PAK2: variants seen among roughly 807,000 people sequenced by gnomAD.
PAK2 encodes the protein p21 (RAC1) activated kinase 2.
Under a neutral mutation model 65.9 loss-of-function variants are expected in PAK2, and 21 were observed. The observed-to-expected ratio is 0.32, with a 90% CI of 0.23 to 0.46. The LOEUF (loss-of-function observed/expected upper bound fraction) is 0.46. PAK2 is among the 20% of genes least tolerant of loss of function. PAK2 has a pLI of 1.00. For missense variants in PAK2, 324 were observed against 642.6 expected, an observed-to-expected ratio of 0.50 and a Z score of 5.36; for synonymous variants, 204 against 219.7, an observed-to-expected ratio of 0.93 and a Z score of 0.63.
intron 1 of PAK2, among the ~76,000 whole-genome samples, chr3:196,761,162 T>TA (rs1553801125): frequency 2.5e-3 from 347 of 140,292 alleles, no homozygotes; most frequent in African/African-American, 6.8e-3. Context: ...TTTTTTTTTT[T>TA]AATTTATTTT....
chr3:196,778,080 C>T (rs544372105), intron 1 of PAK2, among the ~76,000 whole-genome samples: 2 of 152,184 alleles, frequency 1.3e-5, no homozygotes, highest in African/African-American at 2.4e-5. Context: ...ACTAATCAGC[C>T]GTGTTTATGA....
At chr3:196,811,245 TCCCTCCCC>T (rs1560113671) in intron 8 of PAK2, among the ~76,000 whole-genome samples, 236 of 20,278 alleles carry the variant, frequency 0.012, 5 homozygotes, top group Non-Finnish European at 0.019. Flanking sequence ...CTTCCTTCCC[TCCCTCCCC>T]TCCCTCCCTT....
intron 2 of PAK2, among the ~76,000 whole-genome samples, chr3:196,797,085 C>T (rs1274259884): frequency 6.6e-6 from 1 of 152,100 alleles, no homozygotes; most frequent in African/African-American, 2.4e-5. Context: ...CCAACTTGAC[C>T]TAATAGACGT....
chr3:196,773,448 A>C (rs1714423287), intron 1 of PAK2, among the ~76,000 whole-genome samples: 1 of 152,186 alleles, frequency 6.6e-6, no homozygotes, highest in African/African-American at 2.4e-5. Flanking sequence ...AGCAATTCAC[A>C]CACAAAAAAT....
chr3:196,824,423 G>A (rs1019319097), intron 13 of PAK2, among the ~76,000 whole-genome samples: 2 of 152,118 alleles, frequency 1.3e-5, no homozygotes, highest in African/African-American at 4.8e-5. Flanking sequence ...CAACTGGAAC[G>A]GACAGAAGTT....
chr3:196,751,741 CT>C (rs200558658), intron 1 of PAK2, among the ~76,000 whole-genome samples: 3,564 of 79,174 alleles, frequency 0.045, 61 homozygotes, highest in African/African-American at 0.072. Flanking sequence ...AAATGAATTT[CT>C]TTTTTTTTTT....
In PAK2 at chr3:196,740,023, G is replaced by A. The variant is rs997718540; in HGVS notation, c.-156G>A. 2 of 151,800 alleles carry A rather than the reference G, an allele frequency of 1.3e-5. No homozygotes were observed. The highest frequency in any genetic ancestry group is 4.8e-5 in the African/African-American group (2 of 41,356). 9.4% of individuals were successfully genotyped at this position (151,800 alleles called of 1,614,324 possible). Reference sequence around the variant, plus strand: ...CGGTAGCAGCGGCTGCTCCAGCGCGGCGTCTCTTCCCGCCCCGCTTCCCCT... The same window carrying A: ...CGGTAGCAGCGGCTGCTCCAGCGCGACGTCTCTTCCCGCCCCGCTTCCCCT... On this transcript the variant is annotated 5_prime_UTR_variant, in exon 1 of 15. Coordinates refer to ENST00000327134, the MANE Select transcript of PAK2 (RefSeq NM_002577.4).
At chr3:196,749,555 A>G (rs761027350) in intron 1 of PAK2, among the ~76,000 whole-genome samples, 1 of 152,192 alleles carries the variant, frequency 6.6e-6, no homozygotes, top group Non-Finnish European at 1.5e-5. Context: ...AAAAATGTCT[A>G]TTCAAGTGCT....
At chr3:196,771,206 A>G (rs984695543) in intron 1 of PAK2, among the ~76,000 whole-genome samples, 1 of 152,096 alleles carries the variant, frequency 6.6e-6, no homozygotes, top group Non-Finnish European at 1.5e-5. Flanking sequence ...TCTTGTCTCA[A>G]CACACTGATG....
intron 2 of PAK2, among the ~76,000 whole-genome samples, chr3:196,799,344 C>G (rs889918634): frequency 2.6e-5 from 4 of 152,166 alleles, no homozygotes; most frequent in Non-Finnish European, 2.9e-5. Flanking sequence ...ACAGTGTGCG[C>G]TCTGCACTGA....
At chr3:196,766,904 A>G (rs1365835594) in intron 1 of PAK2, among the ~76,000 whole-genome samples, 1 of 132,314 alleles carries the variant, frequency 7.6e-6, no homozygotes, top group Non-Finnish European at 1.6e-5. Context: ...TCTTCCATTT[A>G]AAAAAAAAAT....
chr3:196,825,432 G>A (rs567822930), intron 13 of PAK2, among the ~76,000 whole-genome samples: 7,311 of 149,980 alleles, frequency 0.049, 615 homozygotes, highest in African/African-American at 0.17. Flanking sequence ...TCACAAAGTT[G>A]GGAGTTTAAG....
chr3:196,762,424 C>T lies in PAK2; in HGVS notation c.-21-20202C>T, dbSNP rs571085281. ...TGGGCACCATTGAGCACTGAGTGAA[C>T]GAGACTCCGTCTGCAATCCCGGCAC... On this transcript the variant is annotated intron_variant, in intron 1 of 14. Transcript: ENST00000327134. Among the ~76,000 whole-genome samples, 160 of 144,636 alleles carry T rather than the reference C, an allele frequency of 1.1e-3. 1 individual carries two copies. The highest frequency in any genetic ancestry group is 3.6e-3 in the African/African-American group (143 of 39,384). The allele number at this position is 144,636 out of a possible 152,430, so 94.9% of individuals were successfully genotyped here. A position where few individuals can be genotyped will look rare whatever the true frequency, so the allele number is the denominator to read the frequency against.
rs539914621 is a variant in PAK2, at chr3:196,762,790, C to T, written c.-21-19836C>T. Among the ~76,000 whole-genome samples the T allele has an allele frequency of 1.4e-3, 159 of 116,562 alleles. 1 individual carries two copies. The Middle Eastern group carries it at 0.016, about 12-fold the overall frequency. The allele number at this position is 116,562 out of a possible 152,430, so 76.5% of individuals were successfully genotyped here. On this transcript the variant is annotated intron_variant, in intron 1 of 14. Coordinates refer to ENST00000327134, the MANE Select transcript of PAK2 (RefSeq NM_002577.4). ...AGCCTGGGCAACGAGAGTGAAACTC[C>T]GTCTCAAAAAAAAAAAAAAGAAGAA...
chr3:196,805,035 A>G (rs530662537), intron 4 of PAK2, among the ~76,000 whole-genome samples: 1 of 152,218 alleles, frequency 6.6e-6, no homozygotes, highest in South Asian at 2.1e-4. Flanking sequence ...TAATAAATAC[A>G]GATTGATAGG....
At chr3:196,743,883 A>AAAACAAACAAAC (rs56965790) in intron 1 of PAK2, among the ~76,000 whole-genome samples, 15 of 152,100 alleles carry the variant, frequency 9.9e-5, no homozygotes, top group African/African-American at 3.6e-4. Flanking sequence ...CTCCGTCTCA[A>AAAACAAACAAAC]AAACAAACAA....
chr3:196,765,856 T>G (rs1714146047), intron 1 of PAK2, among the ~76,000 whole-genome samples: 1 of 152,184 alleles, frequency 6.6e-6, no homozygotes, highest in South Asian at 2.1e-4. Flanking sequence ...TATAACACTT[T>G]GCTAGGTGCT....
chr3:196,763,946 C>A (rs1393109778), intron 1 of PAK2, among the ~76,000 whole-genome samples: 2 of 149,652 alleles, frequency 1.3e-5, no homozygotes, highest in African/African-American at 4.9e-5. Flanking sequence ...CCACAGGCGC[C>A]CACCACCACG....
chr3:196,817,206 C>G (rs891696815), intron 11 of PAK2, among the ~76,000 whole-genome samples: 5 of 142,754 alleles, frequency 3.5e-5, no homozygotes, highest in Non-Finnish European at 6.0e-5. Flanking sequence ...GCTCTGTCGC[C>G]CAGGCTGGAG....
Sources: gnomAD v4.1 joint callset for allele counts (sites outside exome capture counted in the v4.1 genomes callset) on GRCh38, gnomAD v4.1.1 for gene constraint, MANE v1.5 for transcripts, NCBI Gene and HGNC (gene_info 2026-07-23, HGNC 2026-07-21) for gene names.